Variants in SEMA3E observed in about 807,000 individuals in gnomAD.
SEMA3E encodes semaphorin-3E.
A neutral mutation model predicts 93.6 loss-of-function variants in SEMA3E; 49 were observed. The observed-to-expected ratio is 0.52, with a 90% CI of 0.42 to 0.66. The LOEUF is 0.66. Ranked by LOEUF, SEMA3E falls within the 30% of genes least tolerant of loss-of-function variation. SEMA3E has a pLI of 0.00. For missense variants in SEMA3E, 906 were observed against 964.8 expected (o/e 0.94, Z 0.81); for synonymous variants, 363 against 330.7 (o/e 1.10, Z -1.06).
chr7:83,407,051 C>A (rs2245312), intron 7 of SEMA3E, 46 bp downstream of exon 7: 6 of 1,608,790 alleles, frequency 3.7e-6, no homozygotes, highest in Non-Finnish European at 5.1e-6. Context: ...AAAGGCCTGA[C>A]CATAAATTGT....
At position 83,627,330 on chromosome 7, in the gene SEMA3E, G is replaced by A. The variant is rs1036576112; in HGVS notation, c.115+21098C>T. Among the ~76,000 whole-genome samples, 4 of 152,058 alleles carry A rather than the reference G, an allele frequency of 2.6e-5. No individual in the cohort carries two copies. In the East Asian group the frequency reaches 7.7e-4, roughly 29 times the overall value. On this transcript the variant is annotated intron_variant, in intron 1 of 16. Coordinates refer to ENST00000643230, the MANE Select transcript of SEMA3E (RefSeq NM_012431.3). ...TTAAAGTCTCCCACTATTATTGTGTGGGAGTCTAAGTCTCTTTGTAAGTCT... is the reference window on the plus strand; with the variant it reads ...TTAAAGTCTCCCACTATTATTGTGTAGGAGTCTAAGTCTCTTTGTAAGTCT...
chr7:83,566,410 A>G (rs17157838), intron 1 of SEMA3E, among the ~76,000 whole-genome samples: 15,014 of 152,020 alleles, frequency 0.099, 980 homozygotes, highest in East Asian at 0.2. Context: ...GGATTTGCTC[A>G]TGTTTTCTAT....
At chr7:83,545,574 T>C (rs1334355601) in intron 1 of SEMA3E, among the ~76,000 whole-genome samples, 1 of 104,182 alleles carries the variant, frequency 9.6e-6, no homozygotes. Flanking sequence ...AAAAAAGAAA[T>C]AGTGGAGAAA....
intron 15 of SEMA3E, among the ~76,000 whole-genome samples, chr7:83,386,249 C>T (rs1391357417): frequency 1.3e-5 from 2 of 152,034 alleles, no homozygotes; most frequent in Non-Finnish European, 2.9e-5. Context: ...TGGGGTCCAA[C>T]AAATTGATGC....
chr7:83,648,370 C>G (rs893109711), intron 1 of SEMA3E, 58 bp downstream of exon 1: 46 of 1,317,420 alleles, frequency 3.5e-5, no homozygotes, highest in Admixed American at 1.7e-4. Context: ...CTTTTTTTTT[C>G]TTTTTTCTTT....
intron 4 of SEMA3E, among the ~76,000 whole-genome samples, chr7:83,429,149 C>G (rs932338802): frequency 6.6e-6 from 1 of 152,046 alleles, no homozygotes; most frequent in Non-Finnish European, 1.5e-5. Context: ...TTTGTAAGTC[C>G]TTTAATACCA....
intron 1 of SEMA3E, among the ~76,000 whole-genome samples, chr7:83,495,573 A>G (rs1790474653): frequency 6.6e-6 from 1 of 151,912 alleles, no homozygotes; most frequent in Admixed American, 6.6e-5. Context: ...ACATGGGGAA[A>G]AACATACATA....
intron 1 of SEMA3E, among the ~76,000 whole-genome samples, chr7:83,541,582 G>A (rs367918871): frequency 6.6e-6 from 1 of 152,118 alleles, no homozygotes; most frequent in African/African-American, 2.4e-5. Flanking sequence ...AAAGGCCAAC[G>A]AAGCAGCAAC....
At chr7:83,453,144 C>G (rs1359325182) in intron 4 of SEMA3E, among the ~76,000 whole-genome samples, 2 of 152,072 alleles carry the variant, frequency 1.3e-5, no homozygotes, top group African/African-American at 4.8e-5. Flanking sequence ...TCTCCTGTCT[C>G]AGCCTCCAGA....
intron 4 of SEMA3E, among the ~76,000 whole-genome samples, chr7:83,446,681 G>A (rs1048775629): frequency 2.0e-5 from 3 of 152,152 alleles, no homozygotes; most frequent in Non-Finnish European, 4.4e-5. Context: ...TTTACAAAGT[G>A]CATCAATATA....
intron 9 of SEMA3E, among the ~76,000 whole-genome samples, chr7:83,404,057 A>G (rs1416679375): frequency 6.6e-6 from 1 of 152,026 alleles, no homozygotes; most frequent in Non-Finnish European, 1.5e-5. Flanking sequence ...CGATTATTCC[A>G]TAGCTTTAAT....
At chr7:83,644,222 G>A (rs973452171) in intron 1 of SEMA3E, among the ~76,000 whole-genome samples, 1 of 151,466 alleles carries the variant, frequency 6.6e-6, no homozygotes, top group Non-Finnish European at 1.5e-5. Context: ...TATAGGCCAT[G>A]AATCTTGGAA....
chr7:83,546,959 C>T (rs1288670664), intron 1 of SEMA3E, among the ~76,000 whole-genome samples: 1 of 152,062 alleles, frequency 6.6e-6, no homozygotes, highest in East Asian at 1.9e-4. Flanking sequence ...TGAAATTAAG[C>T]AAGCCTAATG....
At chr7:83,489,899 G>A (rs1462156525) in intron 2 of SEMA3E, among the ~76,000 whole-genome samples, 1 of 152,054 alleles carries the variant, frequency 6.6e-6, no homozygotes, top group Non-Finnish European at 1.5e-5. Context: ...AGAGTGTCTG[G>A]AAATCCAGGT....
At chr7:83,412,872 TTTGAATTTTTGTTCC>T (rs1788469615) in intron 5 of SEMA3E, among the ~76,000 whole-genome samples, 1 of 151,932 alleles carries the variant, frequency 6.6e-6, no homozygotes, top group Non-Finnish European at 1.5e-5. Context: ...GGATAACAAA[TTTGAATTTTTGTTCC>T]TTGAGGGCCT....
chr7:83,581,277 A>G (rs1375477656), intron 1 of SEMA3E, among the ~76,000 whole-genome samples: 2 of 152,006 alleles, frequency 1.3e-5, no homozygotes, highest in African/African-American at 4.8e-5. Flanking sequence ...TAAAAATTAC[A>G]AACCATTTTT....
chr7:83,622,882 G>C (rs1793594549), intron 1 of SEMA3E, among the ~76,000 whole-genome samples: 1 of 151,998 alleles, frequency 6.6e-6, no homozygotes, highest in African/African-American at 2.4e-5. Flanking sequence ...TGGGTGCTGG[G>C]CTTAATACTT....
At chr7:83,621,418 G>T (rs1051108156) in intron 1 of SEMA3E, among the ~76,000 whole-genome samples, 1 of 152,038 alleles carries the variant, frequency 6.6e-6, no homozygotes, top group African/African-American at 2.4e-5. Flanking sequence ...TGGCCATACT[G>T]CCCAAAGTAA....
At chr7:83,610,148 G>A (rs1463889100) in intron 1 of SEMA3E, among the ~76,000 whole-genome samples, 1 of 151,958 alleles carries the variant, frequency 6.6e-6, no homozygotes, top group Non-Finnish European at 1.5e-5. Context: ...TTGGCAGACT[G>A]GATTTTAGTC....
Sources: allele counts gnomAD v4.1 joint callset (sites outside exome capture counted in the v4.1 genomes callset), GRCh38; gene constraint gnomAD v4.1.1; transcripts MANE v1.5; gene names NCBI Gene and HGNC (gene_info 2026-07-23, HGNC 2026-07-21).